The following RBFOX1 variants were observed in gnomAD, a reference collection of about 807,000 sequenced individuals.
RBFOX1 encodes RNA binding protein fox-1 homolog 1.
RBFOX1 carries 8 observed loss-of-function variants against 57.7 expected under a neutral mutation model. The ratio of observed to expected loss-of-function variants is 0.14; its 90% CI spans 0.08 to 0.25. The LOEUF (loss-of-function observed/expected upper bound fraction) is 0.25. Among genes scored for constraint, RBFOX1 ranks in the 10% least tolerant of loss-of-function variants. The pLI is 1.00. For missense variants in RBFOX1, 611 were observed against 548.5 expected, an observed-to-expected ratio of 1.11 and a Z score of -1.14; for synonymous variants, 326 against 222.4, an observed-to-expected ratio of 1.47 and a Z score of -4.15.
chr16:6,602,494 G>T (rs2097864796), intron 2 of RBFOX1, among the ~76,000 whole-genome samples: 1 of 152,092 alleles, frequency 6.6e-6, no homozygotes, highest in Admixed American at 6.6e-5. Context: ...ATCAGTCTGT[G>T]CTGAATCCCC....
chr16:6,742,896 T>C (rs537459775), intron 3 of RBFOX1, among the ~76,000 whole-genome samples: 1 of 152,178 alleles, frequency 6.6e-6, no homozygotes, highest in Non-Finnish European at 1.5e-5. Context: ...AGTTCTGTAT[T>C]GTATTGTGGT....
chr16:5,885,529 T>C (rs2057876998), intron 4 of RBFOX1, among the ~76,000 whole-genome samples: 1 of 152,108 alleles, frequency 6.6e-6, no homozygotes. Flanking sequence ...CTTTTGCTGT[T>C]TTTCAGAATC....
At chr16:6,575,559 T>G (rs2097420905) in intron 2 of RBFOX1, among the ~76,000 whole-genome samples, 1 of 151,998 alleles carries the variant, frequency 6.6e-6, no homozygotes, top group South Asian at 2.1e-4. Context: ...ACATACATTT[T>G]AAAAAGATTA....
chr16:7,050,321 A>G (rs2049587674), intron 3 of RBFOX1, among the ~76,000 whole-genome samples: 1 of 102,486 alleles, frequency 9.8e-6, no homozygotes, highest in South Asian at 5.1e-4. Context: ...GATGGAGTAT[A>G]ATGGTGGGAA....
At chr16:5,789,297 G>A (rs1471271765) in intron 3 of RBFOX1, among the ~76,000 whole-genome samples, 3 of 152,186 alleles carry the variant, frequency 2.0e-5, no homozygotes, top group Non-Finnish European at 4.4e-5. Flanking sequence ...GCATCAGGGA[G>A]GGAGGTGTGG....
intron 1 of RBFOX1, among the ~76,000 whole-genome samples, chr16:5,280,277 G>T (rs1475716719): frequency 6.6e-6 from 1 of 152,170 alleles, no homozygotes; most frequent in East Asian, 1.9e-4. Flanking sequence ...GCATTCCTGG[G>T]ATAAATCCCA....
chr16:7,322,546 C>T (rs9940951), intron 4 of RBFOX1, among the ~76,000 whole-genome samples: 1 of 152,236 alleles, frequency 6.6e-6, no homozygotes, highest in African/African-American at 2.4e-5. Flanking sequence ...AGAAGCTCCT[C>T]TGGAGTCCTT....
chr16:6,933,534 G>C (rs7204969), intron 3 of RBFOX1, among the ~76,000 whole-genome samples: 2,556 of 152,302 alleles, frequency 0.017, 83 homozygotes, highest in African/African-American at 0.058. Context: ...CCAGCATGGT[G>C]AAATCTCTTC....
chr16:5,307,662 A>T (rs569596311), intron 1 of RBFOX1, among the ~76,000 whole-genome samples: 1 of 152,100 alleles, frequency 6.6e-6, no homozygotes, highest in Non-Finnish European at 1.5e-5. Context: ...CTTAGATTTT[A>T]TTTATTTATG....
Position 7,432,412 on chromosome 16 carries a change from C to A in RBFOX1, c.28-85735C>A, listed in dbSNP as rs139690126. On this transcript the variant is annotated intron_variant, in intron 4 of 15. Coordinates refer to ENST00000550418, the MANE Select transcript of RBFOX1 (RefSeq NM_018723.4). The stretch of plus-strand genomic sequence containing the variant: ...CCAGAAGAGAAGCTTTTTGTGAATT[C>A]TCCTAATGCAATCGTTGTGCTTACT... 2.0e-4 allele frequency among the ~76,000 whole-genome samples: 31 copies of A among 152,262 alleles called. No individual in the cohort carries two copies. The East Asian group carries it at 5.4e-3, about 27-fold the overall frequency.
chr16:7,634,114 C>T (rs376045051), intron 11 of RBFOX1, among the ~76,000 whole-genome samples: 5 of 152,308 alleles, frequency 3.3e-5, no homozygotes, highest in African/African-American at 1.2e-4. Context: ...CTGATGGGTG[C>T]AGACTTTTTC....
chr16:6,894,915 A>G (rs771056782), intron 3 of RBFOX1, among the ~76,000 whole-genome samples: 25 of 152,188 alleles, frequency 1.6e-4, no homozygotes, highest in Non-Finnish European at 2.6e-4. Context: ...AGCTAAAATT[A>G]AATGTCTCAC....
intron 4 of RBFOX1, among the ~76,000 whole-genome samples, chr16:7,141,934 A>G (rs972057742): frequency 1.9e-4 from 29 of 152,048 alleles, no homozygotes; most frequent in African/African-American, 6.5e-4. Context: ...CTTCCCCCTT[A>G]AGATGTTTCA....
chr16:7,242,986 C>T (rs2057236162), intron 4 of RBFOX1, among the ~76,000 whole-genome samples: 1 of 152,150 alleles, frequency 6.6e-6, no homozygotes, highest in Non-Finnish European at 1.5e-5. Flanking sequence ...CTTCCTCCTC[C>T]TCCTCTTGTT....
intron 4 of RBFOX1, among the ~76,000 whole-genome samples, chr16:7,306,915 C>G (rs1176118269): frequency 6.6e-6 from 1 of 152,138 alleles, no homozygotes; most frequent in Non-Finnish European, 1.5e-5. Context: ...TATTTTTTAT[C>G]TGCCTTTAAT....
chr16:7,110,415 T>A (rs911295888), intron 4 of RBFOX1, among the ~76,000 whole-genome samples: 3 of 151,924 alleles, frequency 2.0e-5, no homozygotes, highest in Non-Finnish European at 4.4e-5. Flanking sequence ...GGTTGAAAGA[T>A]GAATTTGCTT....
rs1352555521 is a variant in RBFOX1, at chr16:6,818,993, AC to A, written c.-16+164344del. The stretch of plus-strand genomic sequence containing the variant: ...TGAAAGGCACCTGTCTGAGAATCAA[AC>A]TTGACACAGAGGAAAATAAAGGTAA... On this transcript the variant is annotated intron_variant, in intron 3 of 15. Transcript: ENST00000550418. Among the ~76,000 whole-genome samples, 11 of 84,590 alleles carry A rather than the reference AC, an allele frequency of 1.3e-4. No individual in the cohort carries two copies. The East Asian group carries it at 7.0e-3, about 54-fold the overall frequency. The allele number at this position is 84,590 out of a possible 152,430, so 55.5% of individuals were successfully genotyped here.
At chr16:6,746,875 C>T (rs1279335897) in intron 3 of RBFOX1, among the ~76,000 whole-genome samples, 1 of 152,022 alleles carries the variant, frequency 6.6e-6, no homozygotes, top group Non-Finnish European at 1.5e-5. Flanking sequence ...TGTTGATGTC[C>T]AGTTCATAGA....
intron 2 of RBFOX1, among the ~76,000 whole-genome samples, chr16:6,432,319 G>A (rs1303635664): frequency 2.0e-5 from 3 of 152,008 alleles, no homozygotes; most frequent in Non-Finnish European, 4.4e-5. Context: ...TAACAAATTT[G>A]CTATTATCGT....
Sources: allele counts gnomAD v4.1 joint callset (sites outside exome capture counted in the v4.1 genomes callset), GRCh38; gene constraint gnomAD v4.1.1; transcripts MANE v1.5; gene names NCBI Gene and HGNC (gene_info 2026-07-23, HGNC 2026-07-21).